The following OBI1 variants were observed in gnomAD, a reference collection of about 807,000 sequenced individuals.
OBI1 encodes ring finger protein 219.
OBI1 carries 59 observed loss-of-function variants against 62.4 expected under a neutral mutation model. The ratio of observed to expected loss-of-function variants is 0.95; its 90% CI spans 0.77 to 1.17. The LOEUF is 1.17. Among genes scored for constraint, OBI1 ranks in the 50% most tolerant of loss-of-function variants. The probability of loss-of-function intolerance (pLI) is 0.00; values close to 1 mark genes in which losing one functional copy is unlikely to be tolerated. For missense variants in OBI1, 875 were observed against 830.9 expected (o/e 1.05, Z -0.65); for synonymous variants, 302 against 292.8 (o/e 1.03, Z -0.32).
rs777244766 is a variant in OBI1, at chr13:78,616,457, G to A, written c.1304C>T (p.Ser435Leu). Residue 435 changes from serine (S) to leucine (L), a missense_variant, in exon 6 of 6, where the codon TCA (serine) becomes TTA (leucine). By Grantham distance (145) the Ser-to-Leu change is moderately radical. Coordinates refer to ENST00000282003, the MANE Select transcript of OBI1 (RefSeq NM_024546.4). ...KLVFDDFCDSSNVSNKDSSED... is the reference protein window; with the variant it reads ...KLVFDDFCDSLNVSNKDSSED... ...TGAAGAATCTTTATTAGAAACATTT[G>A]AAGAATCACAAAAATCATCAAACAC... The A allele has an allele frequency of 1.2e-6, 2 of 1,613,808 alleles. No homozygotes were observed. The highest frequency in any genetic ancestry group is 1.7e-6 in the Non-Finnish European group (2 of 1,180,000).
At chr13:78,618,837 T>C in intron 5 of OBI1, among the ~76,000 whole-genome samples, 1 of 152,178 alleles carries the variant, frequency 6.6e-6, no homozygotes, top group East Asian at 1.9e-4. Flanking sequence ...GTTAAAAATG[T>C]TTTGGCTTAT....
Position 78,616,368 on chromosome 13 carries a change from C to T in OBI1, c.1393G>A (p.Gly465Arg). Residue 465 changes from glycine (G) to arginine (R), a missense_variant, in exon 6 of 6, where the codon GGA becomes AGA. Physicochemically the swap from Gly to Arg is moderately radical, Grantham distance 125 (BLOSUM62 -2). Coordinates refer to ENST00000282003, the MANE Select transcript of OBI1 (RefSeq NM_024546.4). ...KSECFSSPKT[G>R]FWDCCSTSYA... Reference sequence around the variant, plus strand: ...CTTGTGGAACAACAGTCCCAAAATCCTGTCTTTGGGGAAGAAAAACATTCT... The same window carrying T: ...CTTGTGGAACAACAGTCCCAAAATCTTGTCTTTGGGGAAGAAAAACATTCT... The T allele has an allele frequency of 6.2e-7, 1 of 1,613,840 alleles. No homozygotes were observed. The highest frequency in any genetic ancestry group is 8.5e-7 in the Non-Finnish European group (1 of 1,179,794).
At chr13:78,624,179 TAA>T (rs1437244801) in intron 5 of OBI1, among the ~76,000 whole-genome samples, 1 of 152,130 alleles carries the variant, frequency 6.6e-6, no homozygotes, top group Non-Finnish European at 1.5e-5. Flanking sequence ...AGGGTATAAT[TAA>T]GAGAAATAAA....
chr13:78,648,723 G>A (rs1440711243), intron 1 of OBI1, among the ~76,000 whole-genome samples: 1 of 152,080 alleles, frequency 6.6e-6, no homozygotes, highest in East Asian at 1.9e-4. Context: ...AGACCAGCCT[G>A]GCCAACATGG....
chr13:78,648,918 A>C (rs1054576643), intron 1 of OBI1, among the ~76,000 whole-genome samples: 1 of 152,006 alleles, frequency 6.6e-6, no homozygotes, highest in Non-Finnish European at 1.5e-5. Flanking sequence ...CATCTCAAAA[A>C]AAAAAAAAAA....
intron 5 of OBI1, among the ~76,000 whole-genome samples, chr13:78,634,023 G>A (rs112968153): frequency 0.016 from 2,411 of 150,460 alleles, 52 homozygotes; most frequent in African/African-American, 0.053. Flanking sequence ...AGCCGAGATC[G>A]CGCCACTGCA....
chr13:78,642,227 A>G lies in OBI1; in HGVS notation c.209-14T>C. ...CACTTGTTCCTCCTGTAGGGAAAAA[A>G]AAAAAAATCCTAATTTTTCATTCTG... On this transcript the variant is annotated splice_polypyrimidine_tract_variant and intron_variant, in intron 2 of 5. Transcript: ENST00000282003. 1 of 1,491,396 alleles carries G rather than the reference A, an allele frequency of 6.7e-7. No individual in the cohort carries two copies. 92.4% of individuals were successfully genotyped at this position (1,491,396 alleles called of 1,614,324 possible).
rs1363091786 is a variant in OBI1 at position 78,614,889 on chromosome 13, T to C, written c.*691A>G. Reference sequence around the variant, plus strand: ...CTAACATAAAACAAATGTCTTCATATAGAAAATGTTTTCTTTCATACTAGC... The same window carrying C: ...CTAACATAAAACAAATGTCTTCATACAGAAAATGTTTTCTTTCATACTAGC... On this transcript the variant is annotated 3_prime_UTR_variant, in exon 6 of 6. Transcript: ENST00000282003. 1.3e-5 allele frequency: 2 copies of C among 152,220 alleles called. No individual in the cohort carries two copies. Among genetic ancestry groups the C allele is most frequent in the East Asian group, 1.9e-4 (1 of 5,198 alleles). 9.4% of individuals were successfully genotyped at this position (152,220 alleles called of 1,614,324 possible).
intron 1 of OBI1, among the ~76,000 whole-genome samples, chr13:78,645,564 T>C (rs949781243): frequency 2.0e-5 from 3 of 152,202 alleles, no homozygotes; most frequent in Admixed American, 6.5e-5. Context: ...CAGCAAACAA[T>C]GCAGACAGAA....
intron 1 of OBI1, among the ~76,000 whole-genome samples, chr13:78,656,207 ATCT>A (rs1876695941): frequency 6.6e-6 from 1 of 152,352 alleles, no homozygotes; most frequent in Admixed American, 6.5e-5. Flanking sequence ...GCTTTGTTTA[ATCT>A]TCTGAAAACT....
At chr13:78,635,926 CT>C (rs1342109125) in intron 4 of OBI1, among the ~76,000 whole-genome samples, 1 of 152,092 alleles carries the variant, frequency 6.6e-6, no homozygotes, top group Non-Finnish European at 1.5e-5. Flanking sequence ...CCATGCCCAG[CT>C]AATTTTTGTA....
At position 78,615,055 on chromosome 13, in the gene OBI1, C is replaced by A. The variant is rs1875209072; in HGVS notation, c.*525G>T. 1 of 152,062 alleles carries A rather than the reference C, an allele frequency of 6.6e-6. No individual in the cohort carries two copies. The highest frequency in any genetic ancestry group is 1.5e-5 in the Non-Finnish European group (1 of 68,048). 9.4% of individuals were successfully genotyped at this position (152,062 alleles called of 1,614,324 possible). ...ATCATGGCCCTGCAGAAAAACTAGG[C>A]CATCACTAAACATAAATAAAAAGGG... On this transcript the variant is annotated 3_prime_UTR_variant, in exon 6 of 6. Transcript: ENST00000282003.
At chr13:78,631,721 G>A (rs1305743278) in intron 5 of OBI1, among the ~76,000 whole-genome samples, 1 of 152,096 alleles carries the variant, frequency 6.6e-6, no homozygotes, top group African/African-American at 2.4e-5. Context: ...ATGAATTTTT[G>A]GCAAGGAACA....
intron 5 of OBI1, among the ~76,000 whole-genome samples, chr13:78,622,483 G>C (rs528842861): frequency 2.0e-4 from 30 of 152,186 alleles, no homozygotes; most frequent in Non-Finnish European, 3.7e-4. Flanking sequence ...ATCTGAGAAA[G>C]AATGATCCAT....
At chr13:78,648,024 C>A (rs1876435465) in intron 1 of OBI1, among the ~76,000 whole-genome samples, 1 of 151,726 alleles carries the variant, frequency 6.6e-6, no homozygotes, top group South Asian at 2.1e-4. Context: ...AGTCTTCTTC[C>A]AAAGTGGTCC....
At chr13:78,637,075 C>T (rs1468985504) in intron 4 of OBI1, among the ~76,000 whole-genome samples, 2 of 152,232 alleles carry the variant, frequency 1.3e-5, no homozygotes, top group Non-Finnish European at 2.9e-5. Context: ...TTTCAGCTAA[C>T]CCTTCTGCAT....
chr13:78,641,620 C>T (rs1269237873), intron 3 of OBI1, among the ~76,000 whole-genome samples: 1 of 152,104 alleles, frequency 6.6e-6, no homozygotes, highest in African/African-American at 2.4e-5. Flanking sequence ...CAGCATGTTT[C>T]ACACTAAAAT....
intron 5 of OBI1, among the ~76,000 whole-genome samples, chr13:78,630,407 CA>C (rs1875809859): frequency 6.6e-6 from 1 of 151,960 alleles, no homozygotes; most frequent in Non-Finnish European, 1.5e-5. Flanking sequence ...TGCCTTTTGC[CA>C]AAGTATTCTA....
intron 4 of OBI1, among the ~76,000 whole-genome samples, chr13:78,637,206 T>C (rs1322508144): frequency 6.6e-6 from 1 of 152,204 alleles, no homozygotes; most frequent in Non-Finnish European, 1.5e-5. Flanking sequence ...TCTGAATCTT[T>C]TGTATTCCTG....
Sources: allele counts gnomAD v4.1 joint callset (sites outside exome capture counted in the v4.1 genomes callset), GRCh38; gene constraint gnomAD v4.1.1; transcripts MANE v1.5; gene names NCBI Gene and HGNC (gene_info 2026-07-23, HGNC 2026-07-21).